DPP10: variants seen among roughly 807,000 people sequenced by gnomAD.
DPP10 encodes dipeptidyl peptidase like 10.
A neutral mutation model predicts 120.9 loss-of-function variants in DPP10; 33 were observed. The observed-to-expected ratio is 0.27, with a 90% CI of 0.21 to 0.37. DPP10 has a LOEUF of 0.37. Among genes scored for constraint, DPP10 ranks in the 10% least tolerant of loss-of-function variants. DPP10 has a pLI of 1.00. For synonymous variants in DPP10, 337 were observed against 326.1 expected (o/e 1.03, Z -0.36); for missense variants, 816 against 942.8 (o/e 0.87, Z 1.76).
intron 3 of DPP10, among the ~76,000 whole-genome samples, chr2:115,447,609 G>A (rs1191846017): frequency 6.6e-6 from 1 of 152,150 alleles, no homozygotes; most frequent in Non-Finnish European, 1.5e-5. Flanking sequence ...GATAGTGAGA[G>A]AGTTCTCATA....
chr2:114,510,400 T>G (rs1161497460), intron 1 of DPP10, among the ~76,000 whole-genome samples: 1 of 152,072 alleles, frequency 6.6e-6, no homozygotes. Context: ...GGTAAGGAGT[T>G]TGAGCCCAGC....
At chr2:114,755,996 C>A (rs1435121552) in intron 1 of DPP10, among the ~76,000 whole-genome samples, 2 of 145,262 alleles carry the variant, frequency 1.4e-5, no homozygotes, top group Non-Finnish European at 3.0e-5. Context: ...GGAGAAACAA[C>A]CCTGACCTAA....
At chr2:114,839,627 T>C (rs924712884) in intron 1 of DPP10, among the ~76,000 whole-genome samples, 2 of 152,208 alleles carry the variant, frequency 1.3e-5, no homozygotes, top group African/African-American at 4.8e-5. Context: ...ATATTCTTTG[T>C]TCTAAAACTG....
chr2:115,153,374 A>T (rs189929975), intron 1 of DPP10, among the ~76,000 whole-genome samples: 1 of 152,242 alleles, frequency 6.6e-6, no homozygotes, highest in East Asian at 1.9e-4. Flanking sequence ...CAGTGTTCTT[A>T]TGTTGGTCCA....
Position 115,262,363 on chromosome 2 carries a change from TTTACTA to T in DPP10, c.61-46872_61-46867del, listed in dbSNP as rs2059289517. 1.3e-5 allele frequency among the ~76,000 whole-genome samples: 2 copies of T among 151,998 alleles called. 1 individual carries two copies. Among genetic ancestry groups the T allele is most frequent in the South Asian group, 4.1e-4 (2 of 4,836 alleles). ...TATTTGCTATCATTATTTTAATATGTTTACTATTATTTTTATTTTAAAATATGTTCT... is the reference window on the plus strand; with the variant it reads ...TATTTGCTATCATTATTTTAATATGTTTATTTTTATTTTAAAATATGTTCT... On this transcript the variant is annotated intron_variant, in intron 1 of 25. Coordinates refer to ENST00000410059, the MANE Select transcript of DPP10 (RefSeq NM_020868.6).
intron 1 of DPP10, among the ~76,000 whole-genome samples, chr2:114,965,915 G>A (rs1466908112): frequency 6.8e-5 from 9 of 131,452 alleles, no homozygotes; most frequent in East Asian, 2.5e-4. Flanking sequence ...GCGGTGAGCC[G>A]AGATCGCCCC....
intron 1 of DPP10, among the ~76,000 whole-genome samples, chr2:114,596,882 C>A (rs1487858393): frequency 6.6e-6 from 1 of 151,996 alleles, no homozygotes; most frequent in Non-Finnish European, 1.5e-5. Context: ...CATATTATTT[C>A]AATGAAATTC....
At chr2:115,099,821 C>A (rs897556126) in intron 1 of DPP10, among the ~76,000 whole-genome samples, 2 of 152,126 alleles carry the variant, frequency 1.3e-5, no homozygotes, top group Non-Finnish European at 2.9e-5. Context: ...GTAAGGCTGG[C>A]AGCTTCTGAG....
intron 1 of DPP10, among the ~76,000 whole-genome samples, chr2:114,505,918 T>C (rs549922478): frequency 6.6e-6 from 1 of 152,260 alleles, no homozygotes; most frequent in Non-Finnish European, 1.5e-5. Context: ...TAGCAAGATA[T>C]CTTGAAATGA....
chr2:115,088,771 C>CA (rs1708984333), intron 1 of DPP10, among the ~76,000 whole-genome samples: 1 of 74,352 alleles, frequency 1.3e-5, no homozygotes, highest in African/African-American at 4.2e-5. Context: ...AAAAAAAAAC[C>CA]AAAAAACAAA....
chr2:114,758,232 A>C (rs936443193), intron 1 of DPP10, among the ~76,000 whole-genome samples: 6 of 152,142 alleles, frequency 3.9e-5, no homozygotes, highest in Non-Finnish European at 7.4e-5. Context: ...AGCCTACCCA[A>C]CTCTGTTCAC....
At chr2:115,438,444 C>T (rs1217010720) in intron 3 of DPP10, among the ~76,000 whole-genome samples, 2 of 151,982 alleles carry the variant, frequency 1.3e-5, no homozygotes, top group Non-Finnish European at 2.9e-5. Flanking sequence ...ATTATTATAC[C>T]AACATTACTC....
At chr2:115,294,166 G>A (rs1421534363) in intron 1 of DPP10, among the ~76,000 whole-genome samples, 4 of 152,060 alleles carry the variant, frequency 2.6e-5, no homozygotes, top group Non-Finnish European at 5.9e-5. Flanking sequence ...GCCATGAGCA[G>A]ACTAGGGAGG....
chr2:114,925,028 G>T (rs772415202), intron 1 of DPP10, among the ~76,000 whole-genome samples: 1 of 151,994 alleles, frequency 6.6e-6, no homozygotes, highest in Non-Finnish European at 1.5e-5. Flanking sequence ...TGGCTAACAC[G>T]GTGAAACCCC....
At chr2:114,467,030 C>T (rs562165741) in intron 1 of DPP10, among the ~76,000 whole-genome samples, 22 of 128,832 alleles carry the variant, frequency 1.7e-4, no homozygotes, top group African/African-American at 6.1e-4. Flanking sequence ...GAGGAAGACT[C>T]CATATCCAAA....
intron 7 of DPP10, 108 bp downstream of exon 7, chr2:115,690,029 A>T: frequency 9.6e-7 from 1 of 1,042,644 alleles, no homozygotes; most frequent in Non-Finnish European, 1.4e-6. Context: ...ACAAAACTTT[A>T]TGTTTCCCTA....
intron 3 of DPP10, among the ~76,000 whole-genome samples, chr2:115,433,033 G>A (rs2071148424): frequency 6.6e-6 from 1 of 151,962 alleles, no homozygotes; most frequent in Non-Finnish European, 1.5e-5. Context: ...CCTGAGAAAA[G>A]GGACTCTATT....
intron 3 of DPP10, among the ~76,000 whole-genome samples, chr2:115,496,878 G>A (rs191524244): frequency 4.3e-4 from 66 of 152,186 alleles, no homozygotes; most frequent in Non-Finnish European, 6.2e-4. Flanking sequence ...GTTTTTCAAG[G>A]AAAGTTTGGT....
chr2:114,868,452 T>C (rs6542227), intron 1 of DPP10, among the ~76,000 whole-genome samples: 51,999 of 152,002 alleles, frequency 0.34, 9,508 homozygotes, highest in East Asian at 0.6. Context: ...TTAAGAGTAA[T>C]TTTATTTCCC....
Sources: allele counts gnomAD v4.1 joint callset (sites outside exome capture counted in the v4.1 genomes callset), GRCh38; gene constraint gnomAD v4.1.1; transcripts MANE v1.5; gene names NCBI Gene and HGNC (gene_info 2026-07-23, HGNC 2026-07-21).